SOBP: variants seen among roughly 807,000 people sequenced by gnomAD.
The protein encoded by SOBP is sine oculis-binding protein homolog.
SOBP carries 4 observed loss-of-function variants against 53.6 expected under a neutral mutation model. The observed-to-expected ratio is 0.07, with a 90% CI of 0.04 to 0.17. The LOEUF is 0.17. Among genes scored for constraint, SOBP ranks in the 10% least tolerant of loss-of-function variants. The pLI, the probability that SOBP is intolerant of heterozygous loss-of-function variation, is 1.00. For synonymous variants in SOBP, 584 were observed against 522.6 expected, an observed-to-expected ratio of 1.12 and a Z score of -1.60; for missense variants, 1,088 against 1,204.7, an observed-to-expected ratio of 0.90 and a Z score of 1.43.
At chr6:107,506,918 G>A (rs1783011232) in intron 3 of SOBP, among the ~76,000 whole-genome samples, 2 of 151,962 alleles carry the variant, frequency 1.3e-5, no homozygotes, top group South Asian at 2.1e-4. Context: ...TTAGTTAGGT[G>A]TGGTGGCGGG....
chr6:107,639,190 G>A (rs562571663), intron 6 of SOBP, among the ~76,000 whole-genome samples: 7 of 152,206 alleles, frequency 4.6e-5, no homozygotes, highest in South Asian at 4.1e-4. Context: ...GGTGTGAGCC[G>A]CCGCTCCCAG....
rs1784234987 is a variant in SOBP at position 107,544,346 on chromosome 6, ATAT to A, written c.573+10738_573+10740del. On this transcript the variant is annotated intron_variant, in intron 4 of 6. Transcript: ENST00000317357. The stretch of plus-strand genomic sequence containing the variant: ...ATCTATTTATTTATGCATTCAACAA[ATAT>A]TTGTTGAACAGTAACTATGGGAGTT... 3.3e-5 allele frequency among the ~76,000 whole-genome samples: 5 copies of A among 152,330 alleles called. No homozygotes were observed. The South Asian group carries it at 1.0e-3, about 32-fold the overall frequency.
chr6:107,522,764 A>T (rs991532481), intron 3 of SOBP, among the ~76,000 whole-genome samples: 8 of 151,878 alleles, frequency 5.3e-5, no homozygotes, highest in African/African-American at 1.7e-4. Flanking sequence ...GGCTGGTCTC[A>T]AACTCCTGGG....
intron 6 of SOBP, among the ~76,000 whole-genome samples, chr6:107,655,435 A>G (rs563843164): frequency 3.3e-5 from 5 of 152,254 alleles, no homozygotes; most frequent in Admixed American, 3.3e-4. Flanking sequence ...GCAGAGAGGG[A>G]CTTGTACTGC....
chr6:107,544,038 T>C (rs1208699535), intron 4 of SOBP, among the ~76,000 whole-genome samples: 1 of 152,186 alleles, frequency 6.6e-6, no homozygotes, highest in Non-Finnish European at 1.5e-5. Context: ...GTTTCCTCAG[T>C]GTAAGTGGCC....
intron 1 of SOBP, among the ~76,000 whole-genome samples, chr6:107,498,716 T>G (rs916434964): frequency 7.9e-5 from 12 of 152,220 alleles, no homozygotes; most frequent in African/African-American, 2.7e-4. Context: ...TAGGAAGAAC[T>G]CAGGAGGAGT....
At chr6:107,543,548 C>T (rs1200826098) in intron 4 of SOBP, among the ~76,000 whole-genome samples, 2 of 152,166 alleles carry the variant, frequency 1.3e-5, no homozygotes, top group African/African-American at 2.4e-5. Context: ...CTCTGAAGCC[C>T]ATGGGCAGCA....
chr6:107,632,166 AACAG>A (rs1770742482), intron 5 of SOBP, among the ~76,000 whole-genome samples: 1 of 152,226 alleles, frequency 6.6e-6, no homozygotes, highest in South Asian at 2.1e-4. Flanking sequence ...ACAACAGAAC[AACAG>A]ACAGCCTCTT....
At chr6:107,525,150 G>T (rs1783625742) in intron 3 of SOBP, among the ~76,000 whole-genome samples, 1 of 152,174 alleles carries the variant, frequency 6.6e-6, no homozygotes, top group South Asian at 2.1e-4. Context: ...ATTTTCCTTA[G>T]TCTGAAGCTC....
chr6:107,566,871 G>A (rs1423477729), intron 4 of SOBP, among the ~76,000 whole-genome samples: 1 of 152,184 alleles, frequency 6.6e-6, no homozygotes, highest in African/African-American at 2.4e-5. Flanking sequence ...TCTAGTAGCT[G>A]CCCTTGGGTC....
rs1770898501 is a variant in SOBP, at chr6:107,634,544, C to T, written c.1700C>T (p.Pro567Leu). The T allele has an allele frequency of 6.2e-7, 1 of 1,609,302 alleles. No homozygotes were observed. The highest frequency in any genetic ancestry group is 1.3e-5 in the African/African-American group (1 of 74,904). ...SNGENFIPNA[P>L]GDSAAAGGKP... ...GGGGAGAACTTCATTCCGAACGCCC[C>T]TGGCGACTCCGCGGCGGCGGGCGGC... is the stretch of plus-strand genomic sequence containing the variant. Residue 567 changes from proline (P) to leucine (L), a missense_variant, in exon 6 of 7, where the codon CCT (proline) becomes CTT (leucine). Physicochemically the swap from Pro to Leu is moderately conservative, Grantham distance 98. This residue lies in a region of SOBP where 665 missense variants were observed against 629.7 expected (regional missense o/e 1.06). Coordinates refer to ENST00000317357, the MANE Select transcript of SOBP (RefSeq NM_018013.4). The surrounding 1 kb of genome is among the most constrained non-coding windows in gnomAD (Gnocchi z 4.5).
chr6:107,510,378 C>T (rs981394449), intron 3 of SOBP, among the ~76,000 whole-genome samples: 2 of 152,108 alleles, frequency 1.3e-5, no homozygotes, highest in Non-Finnish European at 2.9e-5. Flanking sequence ...GTATGTATTT[C>T]AAGGAAGGAA....
chr6:107,513,128 G>A (rs1389290862), intron 3 of SOBP, among the ~76,000 whole-genome samples: 1 of 152,344 alleles, frequency 6.6e-6, no homozygotes, highest in South Asian at 2.1e-4. Flanking sequence ...ACAGGTTTGT[G>A]TGGAGCAACA....
intron 4 of SOBP, 120 bp from the exon 5 acceptor site, chr6:107,586,960 C>T: frequency 3.7e-6 from 3 of 817,672 alleles, no homozygotes; most frequent in South Asian, 1.4e-5. Flanking sequence ...AAACAAACTT[C>T]TTAATATTGT....
At chr6:107,593,630 C>T (rs973178231) in intron 5 of SOBP, among the ~76,000 whole-genome samples, 2 of 152,206 alleles carry the variant, frequency 1.3e-5, no homozygotes, top group African/African-American at 2.4e-5. Context: ...AGAATAAATA[C>T]AGCACCTGCC....
At chr6:107,491,092 G>A (rs1181733436) in intron 1 of SOBP, among the ~76,000 whole-genome samples, 3 of 152,050 alleles carry the variant, frequency 2.0e-5, no homozygotes, top group Non-Finnish European at 2.9e-5. Context: ...CCAAAGTTAG[G>A]AGCCTCCTGG....
At chr6:107,501,255 G>T (rs530352676) in intron 1 of SOBP, among the ~76,000 whole-genome samples, 3 of 152,244 alleles carry the variant, frequency 2.0e-5, no homozygotes, top group Admixed American at 6.5e-5. Flanking sequence ...TCCAACTGAG[G>T]TTTCAGTTTT....
In SOBP at chr6:107,614,009, A is replaced by T. The variant is rs181744140; in HGVS notation, c.670-19505A>T. On this transcript the variant is annotated intron_variant, in intron 5 of 6. Coordinates refer to ENST00000317357, the MANE Select transcript of SOBP (RefSeq NM_018013.4). ...ATCTCTGAGGTGCAGGTTCAGAAGTATGTTGTGTTTCATCTTGTGTCACAT... is the reference window on the plus strand; with the variant it reads ...ATCTCTGAGGTGCAGGTTCAGAAGTTTGTTGTGTTTCATCTTGTGTCACAT... Among the ~76,000 whole-genome samples the T allele has an allele frequency of 3.3e-5, 5 of 152,302 alleles. No individual in the cohort carries two copies. The East Asian group carries it at 9.7e-4, about 29-fold the overall frequency.
intron 1 of SOBP, 35 bp downstream of exon 1, chr6:107,490,747 C>A: frequency 6.7e-7 from 1 of 1,482,726 alleles, no homozygotes; most frequent in Non-Finnish European, 9.3e-7. Flanking sequence ...GGAGACTGAG[C>A]TCTTTCTTGC....
Sources: allele counts gnomAD v4.1 joint callset (sites outside exome capture counted in the v4.1 genomes callset), GRCh38; gene constraint gnomAD v4.1.1; regional missense constraint gnomAD v4.1.1; non-coding constraint Gnocchi (gnomAD v3.1); transcripts MANE v1.5; gene names NCBI Gene and HGNC (gene_info 2026-07-23, HGNC 2026-07-21).